The following KCNH8 variants were observed in gnomAD, a reference collection of about 807,000 sequenced individuals.
KCNH8 encodes the protein potassium voltage-gated channel subfamily H member 8, also known as voltage-gated delayed rectifier potassium channel KCNH8.
Under a neutral mutation model 103.6 loss-of-function variants are expected in KCNH8, and 70 were observed. That is an observed-to-expected ratio of 0.68 (90% CI 0.56 to 0.82). KCNH8 has a LOEUF of 0.82. Among genes scored for constraint, KCNH8 ranks in the 40% least tolerant of loss-of-function variants. KCNH8 has a pLI of 0.00. For missense variants in KCNH8, 1,217 were observed against 1,329.9 expected (o/e 0.92, Z 1.32); for synonymous variants, 498 against 489.4 (o/e 1.02, Z -0.23).
chr3:19,206,051 G>C (rs2063711012), intron 1 of KCNH8, among the ~76,000 whole-genome samples: 1 of 151,572 alleles, frequency 6.6e-6, no homozygotes, highest in Non-Finnish European at 1.5e-5. Flanking sequence ...TTAGGAGTGA[G>C]AACACAGGAT....
At position 19,482,631 on chromosome 3, in the gene KCNH8, C is replaced by T. The variant is rs142938463; in HGVS notation, c.2040+25649C>T. Among the ~76,000 whole-genome samples the T allele has an allele frequency of 4.0e-4, 61 of 152,292 alleles. 1 individual carries two copies. The highest frequency in any genetic ancestry group is 2.9e-3 in the Admixed American group (45 of 15,296). ...TTATAAAAGTTTTAAATTCTCCTAG[C>T]GCTGGGAGCCATTTTTTAAACATGG... On this transcript the variant is annotated intron_variant, in intron 11 of 15. Coordinates refer to ENST00000328405, the MANE Select transcript of KCNH8 (RefSeq NM_144633.3).
chr3:19,231,440 C>CT (rs966039082), intron 1 of KCNH8, among the ~76,000 whole-genome samples: 3 of 152,088 alleles, frequency 2.0e-5, no homozygotes, highest in African/African-American at 7.2e-5. Context: ...TGGAATTATA[C>CT]TTTTTTTACA....
Position 19,167,943 on chromosome 3 carries a change from G to A in KCNH8, c.76+19148G>A, listed in dbSNP as rs184482350. 1.1e-4 allele frequency among the ~76,000 whole-genome samples: 16 copies of A among 151,598 alleles called. No individual in the cohort carries two copies. The East Asian group carries it at 2.5e-3, about 24-fold the overall frequency. On this transcript the variant is annotated intron_variant, in intron 1 of 15. Transcript: ENST00000328405. ...ATATGTGTAGTTTTGTGGAGCAACC[G>A]CCAAGGTCAAGTTACAGAACAATTT...
At chr3:19,226,623 GCACACACA>G (rs146546353) in intron 1 of KCNH8, among the ~76,000 whole-genome samples, 40 of 145,734 alleles carry the variant, frequency 2.7e-4, no homozygotes, top group Admixed American at 4.8e-4. Flanking sequence ...ACACATGCAT[GCACACACA>G]CACACACACA....
intron 1 of KCNH8, among the ~76,000 whole-genome samples, chr3:19,224,556 GAAC>G (rs2063908682): frequency 7.1e-6 from 1 of 141,474 alleles, no homozygotes; most frequent in Non-Finnish European, 1.5e-5. Context: ...ACTTTGTTTT[GAAC>G]TTTTTTTTTT....
At chr3:19,369,677 C>T (rs2066060759) in intron 5 of KCNH8, among the ~76,000 whole-genome samples, 1 of 151,884 alleles carries the variant, frequency 6.6e-6, no homozygotes, top group African/African-American at 2.4e-5. Context: ...TCCCACTAAA[C>T]CACAACCTGT....
chr3:19,356,562 GC>G (rs2065884272), intron 5 of KCNH8, among the ~76,000 whole-genome samples: 1 of 151,976 alleles, frequency 6.6e-6, no homozygotes, highest in South Asian at 2.1e-4. Flanking sequence ...ACAAAGTTTG[GC>G]TATATAGTTA....
chr3:19,407,484 ACTTGGGTCAGCAG>A (rs2066710229), intron 7 of KCNH8, among the ~76,000 whole-genome samples: 1 of 152,092 alleles, frequency 6.6e-6, no homozygotes, highest in East Asian at 1.9e-4. Context: ...ACATCTGTTC[ACTTGGGTCAGCAG>A]CCTGAGTTGC....
chr3:19,170,765 CATATATAT>C (rs1322764924), intron 1 of KCNH8, among the ~76,000 whole-genome samples: 4 of 113,820 alleles, frequency 3.5e-5, no homozygotes, highest in Non-Finnish European at 7.2e-5. Context: ...TATATACACA[CATATATAT>C]ACACACACAC....
chr3:19,175,535 GCTTTTTTGTACAATTT>G (rs1186151592), intron 1 of KCNH8, among the ~76,000 whole-genome samples: 4 of 152,092 alleles, frequency 2.6e-5, no homozygotes, highest in Admixed American at 2.6e-4. Flanking sequence ...TATCGGTCAT[GCTTTTTTGTACAATTT>G]CTTTTATTTC....
At chr3:19,510,313 CAA>C in intron 11 of KCNH8, 48 bp from the exon 12 acceptor site, 1 of 1,192,242 alleles carries the variant, frequency 8.4e-7, no homozygotes, top group South Asian at 1.2e-5. Flanking sequence ...CACCCAGTCC[CAA>C]ACCACCAGGA....
chr3:19,470,812 C>T (rs1488576992), intron 11 of KCNH8, among the ~76,000 whole-genome samples: 1 of 152,136 alleles, frequency 6.6e-6, no homozygotes, highest in Admixed American at 6.6e-5. Context: ...AATCATATCT[C>T]AGCAACATTT....
intron 7 of KCNH8, among the ~76,000 whole-genome samples, chr3:19,421,833 T>C (rs1206911622): frequency 6.6e-6 from 1 of 152,130 alleles, no homozygotes; most frequent in African/African-American, 2.4e-5. Context: ...AAATCAATGT[T>C]TGCTGTCTTT....
At chr3:19,239,818 C>A (rs1031585871) in intron 1 of KCNH8, among the ~76,000 whole-genome samples, 1 of 151,942 alleles carries the variant, frequency 6.6e-6, no homozygotes, top group Non-Finnish European at 1.5e-5. Flanking sequence ...AGATATTAGC[C>A]TTCTACTTGA....
intron 15 of KCNH8, among the ~76,000 whole-genome samples, chr3:19,519,410 A>T (rs1051547535): frequency 2.0e-5 from 3 of 150,956 alleles, no homozygotes; most frequent in African/African-American, 7.3e-5. Flanking sequence ...CTTGTCATAA[A>T]CTCTGCAGGT....
At chr3:19,472,420 G>T (rs2067881748) in intron 11 of KCNH8, among the ~76,000 whole-genome samples, 1 of 152,122 alleles carries the variant, frequency 6.6e-6, no homozygotes, top group Admixed American at 6.6e-5. Flanking sequence ...AATGAATCAT[G>T]TGGGCAGGTC....
At chr3:19,182,994 C>A (rs2063470067) in intron 1 of KCNH8, among the ~76,000 whole-genome samples, 1 of 152,188 alleles carries the variant, frequency 6.6e-6, no homozygotes, top group Non-Finnish European at 1.5e-5. Context: ...GTTTTCAATG[C>A]TTCTTCATTA....
At chr3:19,186,111 T>C (rs1325065092) in intron 1 of KCNH8, among the ~76,000 whole-genome samples, 1 of 151,914 alleles carries the variant, frequency 6.6e-6, no homozygotes, top group Non-Finnish European at 1.5e-5. Flanking sequence ...GAAACAATTT[T>C]AAAAGTCAAA....
At chr3:19,496,253 G>A (rs899398483) in intron 11 of KCNH8, among the ~76,000 whole-genome samples, 1 of 152,138 alleles carries the variant, frequency 6.6e-6, no homozygotes, top group Non-Finnish European at 1.5e-5. Context: ...TCATGATAGA[G>A]GGCATCCCTG....
Sources: gnomAD v4.1 joint callset for allele counts (sites outside exome capture counted in the v4.1 genomes callset) on GRCh38, gnomAD v4.1.1 for gene constraint, MANE v1.5 for transcripts, NCBI Gene and HGNC (gene_info 2026-07-23, HGNC 2026-07-21) for gene names.